Variants in TESPA1 observed in about 807,000 individuals in gnomAD.
TESPA1 encodes the protein thymocyte expressed, positive selection associated 1, also known as protein TESPA1.
Under a neutral mutation model 57.9 loss-of-function variants are expected in TESPA1, and 33 were observed. That is an observed-to-expected ratio of 0.57 (90% confidence interval 0.43 to 0.76). The LOEUF (loss-of-function observed/expected upper bound fraction) is 0.76, where lower values mean the gene tolerates loss of function less well. Among genes scored for constraint, TESPA1 ranks in the 30% least tolerant of loss-of-function variants. The probability of loss-of-function intolerance (pLI) is 0.00; values close to 1 mark genes in which losing one functional copy is unlikely to be tolerated. For synonymous variants in TESPA1, 227 were observed against 228.9 expected (o/e 0.99, Z 0.07); for missense variants, 618 against 632.9 (o/e 0.98, Z 0.25).
intron 8 of TESPA1, 117 bp from the exon 9 acceptor site, chr12:54,963,359 A>T: frequency 9.7e-7 from 1 of 1,034,070 alleles, no homozygotes. Flanking sequence ...CAATTTTCCT[A>T]CTAGTGTTTC....
intron 10 of TESPA1, among the ~76,000 whole-genome samples, chr12:54,952,353 A>G (rs542324397): frequency 6.6e-6 from 1 of 152,204 alleles, no homozygotes; most frequent in African/African-American, 2.4e-5. Context: ...GAAGACATGA[A>G]CCTCTTTATC....
chr12:54,961,715 T>G (rs1447756667), intron 9 of TESPA1, among the ~76,000 whole-genome samples: 1 of 152,224 alleles, frequency 6.6e-6, no homozygotes, highest in African/African-American at 2.4e-5. Context: ...CAAAGTTTGC[T>G]GGTCAAATGG....
At chr12:54,975,652 A>G (rs1049764145) in intron 1 of TESPA1, among the ~76,000 whole-genome samples, 2 of 151,640 alleles carry the variant, frequency 1.3e-5, no homozygotes, top group Non-Finnish European at 2.9e-5. Context: ...CATAAACAAC[A>G]TCATCTTAAG....
Position 54,969,046 on chromosome 12 carries a change from T to C in TESPA1, c.207-1154A>G, listed in dbSNP as rs112380574. On this transcript the variant is annotated intron_variant, in intron 3 of 10. Coordinates refer to ENST00000449076, the MANE Select transcript of TESPA1 (RefSeq NM_001136030.3). ...GTATATATATATATATATATATATA[T>C]GTGTGTGTGTAGATAGATAGATATA... 1.4e-3 allele frequency among the ~76,000 whole-genome samples: 178 copies of C among 124,462 alleles called. 12 individuals carry two copies. In the Middle Eastern group the frequency reaches 0.042, roughly 30 times the overall value. The allele number at this position is 124,462 out of a possible 152,430, so 81.7% of individuals were successfully genotyped here.
rs115420468 is a variant in TESPA1 at position 54,951,612 on chromosome 12, T to C, written c.*2-1222A>G. 7.1e-3 allele frequency among the ~76,000 whole-genome samples: 1,079 copies of C among 151,342 alleles called. 23 individuals are homozygous for C. Among genetic ancestry groups the C allele is most frequent in the African/African-American group, 0.025 (1,030 of 40,610 alleles). On this transcript the variant is annotated intron_variant, in intron 10 of 10. Transcript: ENST00000449076. The stretch of plus-strand genomic sequence containing the variant: ...TTCATATTAATATTTTAAAGCCTTG[T>C]CACCCAAATAAAAATATTCTTATCA...
At chr12:54,968,032 C>T (rs1426090494) in intron 3 of TESPA1, 140 bp from the exon 4 acceptor site, 69 of 1,529,012 alleles carry the variant, frequency 4.5e-5, no homozygotes, top group Non-Finnish European at 5.6e-5. Flanking sequence ...TTGGAGAAAA[C>T]AAAGACAGAG....
At chr12:54,968,175 G>A (rs1951570344) in intron 3 of TESPA1, among the ~76,000 whole-genome samples, 2 of 152,054 alleles carry the variant, frequency 1.3e-5, no homozygotes, top group Admixed American at 6.5e-5. Context: ...ATGATTCTTC[G>A]GTCTTTAGGT....
chr12:54,958,588 A>G (rs1336458169), intron 10 of TESPA1, among the ~76,000 whole-genome samples: 1 of 151,818 alleles, frequency 6.6e-6, no homozygotes, highest in East Asian at 1.9e-4. Flanking sequence ...CTCAATTATT[A>G]TTGTTTCAGA....
chr12:54,960,621 A>G (rs1457698087), intron 10 of TESPA1, among the ~76,000 whole-genome samples: 1 of 152,206 alleles, frequency 6.6e-6, no homozygotes, highest in Non-Finnish European at 1.5e-5. Flanking sequence ...TCAAACTTCA[A>G]TATGCAATCA....
chr12:54,973,789 C>T (rs1440146743), intron 2 of TESPA1: 1 of 1,229,088 alleles, frequency 8.1e-7, no homozygotes, highest in African/African-American at 1.6e-5. Flanking sequence ...TTGAGAGTTC[C>T]TTTCCCACAA....
intron 1 of TESPA1, among the ~76,000 whole-genome samples, chr12:54,975,442 T>C (rs2136196358): frequency 6.6e-6 from 1 of 152,250 alleles, no homozygotes; most frequent in East Asian, 1.9e-4. Context: ...TAGATACACA[T>C]TCAAAGAGGA....
In TESPA1 at chr12:54,971,255, TA is replaced by T. The variant is rs542808413; in HGVS notation, c.206+2221del. Reference sequence around the variant, plus strand: ...CAGGGCACCTGGCAGAGTGGACAGATAATCAGTAAATGCGGGCTCCTTGTTT... The same window carrying T: ...CAGGGCACCTGGCAGAGTGGACAGATATCAGTAAATGCGGGCTCCTTGTTT... On this transcript the variant is annotated intron_variant, in intron 3 of 10. Transcript: ENST00000449076. 2.0e-4 allele frequency among the ~76,000 whole-genome samples: 31 copies of T among 152,380 alleles called. No homozygotes were observed. The East Asian group carries it at 6.0e-3, about 29-fold the overall frequency.
At position 54,948,704 on chromosome 12, in the gene TESPA1, T is replaced by G. The variant is rs1421361570; in HGVS notation, c.*1688A>C. ...TGCGGAACTGTGAGCCAATTAAACC[T>G]CTTTTCTGTATAAATTACCCAGTCT... On this transcript the variant is annotated 3_prime_UTR_variant, in exon 11 of 11. Coordinates refer to ENST00000449076, the MANE Select transcript of TESPA1 (RefSeq NM_001136030.3). 6.6e-6 allele frequency: 1 copy of G among 152,506 alleles called. No individual in the cohort carries two copies. The highest frequency in any genetic ancestry group is 1.5e-5 in the Non-Finnish European group (1 of 68,234). 9.4% of individuals were successfully genotyped at this position (152,506 alleles called of 1,614,324 possible). A position where few individuals can be genotyped will look rare whatever the true frequency, so the allele number is the denominator to read the frequency against.
chr12:54,969,066 G>GATAA (rs1951656090), intron 3 of TESPA1, among the ~76,000 whole-genome samples: 1 of 112,018 alleles, frequency 8.9e-6, no homozygotes, highest in African/African-American at 3.6e-5. Flanking sequence ...TAGATAGATA[G>GATAA]ATATAGATAT....
intron 10 of TESPA1, among the ~76,000 whole-genome samples, chr12:54,951,472 T>C (rs566447012): frequency 1.4e-3 from 207 of 152,318 alleles, no homozygotes; most frequent in African/African-American, 4.8e-3. Context: ...AACCATAGCC[T>C]TTCCCATTCT....
chr12:54,950,743 C>A (rs1565812447), intron 10 of TESPA1, among the ~76,000 whole-genome samples: 1 of 152,182 alleles, frequency 6.6e-6, no homozygotes, highest in African/African-American at 2.4e-5. Flanking sequence ...TTCACCTATT[C>A]AACTAGCAAT....
At chr12:54,968,614 T>C (rs1951602663) in intron 3 of TESPA1, among the ~76,000 whole-genome samples, 1 of 152,180 alleles carries the variant, frequency 6.6e-6, no homozygotes, top group African/African-American at 2.4e-5. Flanking sequence ...CCTGGCTCAT[T>C]GTGGCTGTTT....
chr12:54,967,394 A>G lies in TESPA1; in HGVS notation c.257-158T>C, dbSNP rs1444943222. On this transcript the variant is annotated intron_variant, in intron 4 of 10. Transcript: ENST00000449076. ...ATACCCACGTTTGTCAAATTACCAC[A>G]AACTGTACATATATCACCTCAGAAG... Among the ~76,000 whole-genome samples, 4 of 150,148 alleles carry G rather than the reference A, an allele frequency of 2.7e-5. No individual in the cohort carries two copies. In the South Asian group the frequency reaches 8.6e-4, roughly 32 times the overall value.
intron 9 of TESPA1, among the ~76,000 whole-genome samples, 167 bp from the exon 10 acceptor site, chr12:54,961,434 A>G (rs1951068839): frequency 6.6e-6 from 1 of 152,248 alleles, no homozygotes; most frequent in South Asian, 2.1e-4. Flanking sequence ...GCGGAGGTGT[A>G]GCTCTACATT....
Sources: allele counts gnomAD v4.1 joint callset (sites outside exome capture counted in the v4.1 genomes callset), GRCh38; gene constraint gnomAD v4.1.1; transcripts MANE v1.5; gene names NCBI Gene and HGNC (gene_info 2026-07-23, HGNC 2026-07-21).